Variants in ATP2A2 observed in about 807,000 individuals in gnomAD.
ATP2A2 encodes the protein sarcoplasmic/endoplasmic reticulum calcium ATPase 2.
ATP2A2 carries 14 observed loss-of-function variants against 109.3 expected under a neutral mutation model. The observed-to-expected ratio is 0.13, with a 90% CI of 0.08 to 0.20. The LOEUF is 0.20. ATP2A2 is among the 10% of genes least tolerant of loss of function. The probability of loss-of-function intolerance (pLI) is 1.00; values close to 1 mark genes in which losing one functional copy is unlikely to be tolerated. For synonymous variants in ATP2A2, 506 were observed against 490.9 expected (o/e 1.03, Z -0.41); for missense variants, 657 against 1,321.6 (o/e 0.50, Z 7.80).
chr12:110,343,113 A>G, intron 15 of ATP2A2, 119 bp from the exon 16 acceptor site: 1 of 1,043,290 alleles, frequency 9.6e-7, no homozygotes, highest in Non-Finnish European at 1.5e-6. Flanking sequence ...AGTATTTTAC[A>G]GATTACCTGA....
chr12:110,335,572 C>T (rs1878762835), intron 11 of ATP2A2, among the ~76,000 whole-genome samples: 1 of 152,210 alleles, frequency 6.6e-6, no homozygotes, highest in South Asian at 2.1e-4. Context: ...TTTATCTTAT[C>T]CTGGCCAAAG....
intron 4 of ATP2A2, among the ~76,000 whole-genome samples, chr12:110,293,781 C>T (rs1873615325): frequency 7.0e-6 from 1 of 143,024 alleles, no homozygotes; most frequent in Non-Finnish European, 1.5e-5. Context: ...GTGGTAGGTT[C>T]ATAGAAAGAT....
At chr12:110,306,902 CAG>C (rs1566213795) in intron 5 of ATP2A2, among the ~76,000 whole-genome samples, 2 of 151,970 alleles carry the variant, frequency 1.3e-5, no homozygotes, top group Non-Finnish European at 2.9e-5. Flanking sequence ...GCTGGAACTA[CAG>C]ATGCCCACCA....
In ATP2A2 at chr12:110,350,596, A is replaced by C; in HGVS notation, c.*4126A>C. On this transcript the variant is annotated 3_prime_UTR_variant, in exon 20 of 20. Coordinates refer to ENST00000539276, the MANE Select transcript of ATP2A2 (RefSeq NM_170665.4). ...GGAATGAGGCTCTGTAACCTTATCTAAGAACTTGGAAGCCGTCAGCCAAGT... is the reference window on the plus strand; with the variant it reads ...GGAATGAGGCTCTGTAACCTTATCTCAGAACTTGGAAGCCGTCAGCCAAGT... The C allele has an allele frequency of 2.0e-6, 1 of 489,484 alleles. No individual in the cohort carries two copies. Among genetic ancestry groups the C allele is most frequent in the Non-Finnish European group, 3.6e-6 (1 of 275,404 alleles). 30.3% of individuals were successfully genotyped at this position (489,484 alleles called of 1,614,324 possible).
chr12:110,329,007 A>G, intron 8 of ATP2A2, among the ~76,000 whole-genome samples: 1 of 152,170 alleles, frequency 6.6e-6, no homozygotes. Flanking sequence ...CTTTTTCTCA[A>G]AAAGTAGATA....
chr12:110,314,336 G>GAAAAAAAAAAAA (rs398055936), intron 5 of ATP2A2, among the ~76,000 whole-genome samples: 3 of 122,556 alleles, frequency 2.4e-5, no homozygotes, highest in Admixed American at 8.2e-5. Flanking sequence ...CTCAAAAAAA[G>GAAAAAAAAAAAA]AAAAAAAAAA....
intron 5 of ATP2A2, among the ~76,000 whole-genome samples, chr12:110,317,567 G>A (rs976288791): frequency 7.9e-5 from 12 of 152,064 alleles, no homozygotes; most frequent in African/African-American, 2.7e-4. Context: ...TAGTAGAGAC[G>A]GAGTTTCACC....
At chr12:110,320,285 T>C (rs1354793616) in intron 5 of ATP2A2, among the ~76,000 whole-genome samples, 6 of 152,196 alleles carry the variant, frequency 3.9e-5, no homozygotes, top group Admixed American at 3.3e-4. Flanking sequence ...TTGAATTGTT[T>C]AAGTCTGTTC....
chr12:110,318,876 C>T lies in ATP2A2; in HGVS notation c.464-4116C>T, dbSNP rs1325151533. On this transcript the variant is annotated intron_variant, in intron 5 of 19. Coordinates refer to ENST00000539276, the MANE Select transcript of ATP2A2 (RefSeq NM_170665.4). ...TAGAAACTCTAAGGTAGCATATTTC[C>T]CAAGTGTTGGGAGGCTTTGGAGCTT... Among the ~76,000 whole-genome samples the T allele has an allele frequency of 3.9e-5, 6 of 152,168 alleles. No homozygotes were observed. In the East Asian group the frequency reaches 1.2e-3, roughly 29 times the overall value.
chr12:110,341,149 A>G (rs1447732563), intron 14 of ATP2A2, among the ~76,000 whole-genome samples, 155 bp downstream of exon 14: 1 of 152,124 alleles, frequency 6.6e-6, no homozygotes, highest in Non-Finnish European at 1.5e-5. Flanking sequence ...AGTGGTTAGC[A>G]TGTTGTGTGC....
chr12:110,347,191 A>G lies in ATP2A2; in HGVS notation c.*721A>G. ...CGACTGGGTTTATGTCCCTTCACAT[A>G]GTTTTTAAGGTTATTTATTTAAATG... On this transcript the variant is annotated 3_prime_UTR_variant, in exon 20 of 20. Transcript: ENST00000539276. 1 of 1,191,096 alleles carries G rather than the reference A, an allele frequency of 8.4e-7. No individual in the cohort carries two copies. Among genetic ancestry groups the G allele is most frequent in the South Asian group, 1.6e-5 (1 of 63,092 alleles). The allele number at this position is 1,191,096 out of a possible 1,614,324, so 73.8% of individuals were successfully genotyped here.
rs10665212 is a variant in ATP2A2 at position 110,309,140 on chromosome 12, A to ATTTTTTTTTTTTTTTTTT, written c.463+12421_463+12438dup. ...ATGGAGAGAGAGTTTAAGGAAACTAATTTTTTTTTTTTTTTTTTTTTTTTT... is the reference window on the plus strand; with the variant it reads ...ATGGAGAGAGAGTTTAAGGAAACTAATTTTTTTTTTTTTTTTTTTTTTTTTTTTTTTTTTTTTTTTTTT... On this transcript the variant is annotated intron_variant, in intron 5 of 19. Coordinates refer to ENST00000539276, the MANE Select transcript of ATP2A2 (RefSeq NM_170665.4). 4.3e-4 allele frequency among the ~76,000 whole-genome samples: 21 copies of ATTTTTTTTTTTTTTTTTT among 48,904 alleles called. 2 individuals carry two copies. The highest frequency in any genetic ancestry group is 6.3e-4 in the Non-Finnish European group (18 of 28,424). The allele number at this position is 48,904 out of a possible 152,430, so 32.1% of individuals were successfully genotyped here.
At chr12:110,333,344 A>ACTTTCATTCCACCC in intron 10 of ATP2A2, 61 bp downstream of exon 10, 1 of 1,449,014 alleles carries the variant, frequency 6.9e-7, no homozygotes, top group Non-Finnish European at 9.7e-7. Context: ...GGGTGGGTGG[A>ACTTTCATTCCACCC]ATGAAAGTCT....
chr12:110,299,082 A>G (rs1194370921), intron 5 of ATP2A2, among the ~76,000 whole-genome samples: 2 of 151,442 alleles, frequency 1.3e-5, no homozygotes, highest in East Asian at 1.9e-4. Context: ...TGATTCTCCC[A>G]CCTCAGCCTC....
At chr12:110,294,151 C>G (rs1186924355) in intron 4 of ATP2A2, among the ~76,000 whole-genome samples, 1 of 152,012 alleles carries the variant, frequency 6.6e-6, no homozygotes, top group Non-Finnish European at 1.5e-5. Flanking sequence ...TCACGCCATT[C>G]TCCTGTCTCA....
intron 4 of ATP2A2, among the ~76,000 whole-genome samples, chr12:110,294,671 T>TA (rs1324616547): frequency 6.6e-6 from 1 of 152,108 alleles, no homozygotes; most frequent in Non-Finnish European, 1.5e-5. Context: ...TTCGAGTTTT[T>TA]AAAAAAAGAA....
chr12:110,315,090 TCTC>T (rs1876524344), intron 5 of ATP2A2, among the ~76,000 whole-genome samples: 1 of 152,120 alleles, frequency 6.6e-6, no homozygotes, highest in African/African-American at 2.4e-5. Flanking sequence ...ATGATCTCGT[TCTC>T]CTGACCTTGT....
intron 1 of ATP2A2, 121 bp from the exon 2 acceptor site, chr12:110,282,483 G>A: frequency 1.5e-6 from 2 of 1,333,888 alleles, no homozygotes; most frequent in South Asian, 1.2e-5. Context: ...GTGTTTTAAA[G>A]ATATTGATGC....
intron 5 of ATP2A2, among the ~76,000 whole-genome samples, chr12:110,314,292 C>T (rs1460700958): frequency 2.7e-5 from 4 of 149,160 alleles, no homozygotes; most frequent in Admixed American, 6.7e-5. Context: ...CGTGCCATTG[C>T]ACTCCAGCCT....
Sources: allele counts gnomAD v4.1 joint callset (sites outside exome capture counted in the v4.1 genomes callset), GRCh38; gene constraint gnomAD v4.1.1; transcripts MANE v1.5; gene names NCBI Gene and HGNC (gene_info 2026-07-23, HGNC 2026-07-21).